RYR2: variants seen among roughly 807,000 people sequenced by gnomAD.
The protein encoded by RYR2 is cardiac muscle ryanodine receptor-calcium release channel.
In RYR2, 227 loss-of-function variants were observed where a neutral mutation model predicts 601.1. The ratio of observed to expected loss-of-function variants is 0.38; its 90% CI spans 0.34 to 0.42. The LOEUF (loss-of-function observed/expected upper bound fraction) is 0.42. RYR2 is among the 10% of genes least tolerant of loss of function. The probability of loss-of-function intolerance (pLI) is 1.00; values close to 1 mark genes in which losing one functional copy is unlikely to be tolerated. For missense variants in RYR2, 4,646 were observed against 6,156.5 expected, an observed-to-expected ratio of 0.75 and a Z score of 8.21; for synonymous variants, 2,223 against 2,175.1, an observed-to-expected ratio of 1.02 and a Z score of -0.61.
chr1:237,465,090 G>GCACACACACA (rs10610645), intron 16 of RYR2, among the ~76,000 whole-genome samples: 2 of 150,120 alleles, frequency 1.3e-5, no homozygotes, highest in African/African-American at 4.9e-5. Flanking sequence ...ACACACACAT[G>GCACACACACA]CACACACACA....
chr1:237,584,442 T>A (rs1674278986), intron 29 of RYR2, among the ~76,000 whole-genome samples: 1 of 152,186 alleles, frequency 6.6e-6, no homozygotes, highest in South Asian at 2.1e-4. Context: ...CTGTCTTTTG[T>A]ATTCAAAGTT....
intron 10 of RYR2, among the ~76,000 whole-genome samples, chr1:237,400,627 T>A (rs1286536889): frequency 6.6e-6 from 1 of 152,204 alleles, no homozygotes; most frequent in African/African-American, 2.4e-5. Context: ...TTAAAGATAA[T>A]TTTTAAATGT....
intron 80 of RYR2, among the ~76,000 whole-genome samples, chr1:237,742,988 A>G (rs1193427019): frequency 1.3e-5 from 2 of 152,160 alleles, no homozygotes; most frequent in African/African-American, 2.4e-5. Context: ...CTTTGCTTAT[A>G]CTGTACTTTC....
At chr1:237,473,724 C>T (rs78407790) in intron 17 of RYR2, among the ~76,000 whole-genome samples, 248 of 152,134 alleles carry the variant, frequency 1.6e-3, no homozygotes, top group African/African-American at 5.7e-3. Flanking sequence ...CTCAGTGCCC[C>T]CTGCCTGTGC....
chr1:237,603,802 A>G (rs1444980556), intron 35 of RYR2, among the ~76,000 whole-genome samples: 2 of 152,226 alleles, frequency 1.3e-5, no homozygotes, highest in Non-Finnish European at 1.5e-5. Context: ...CTTTAAACCA[A>G]CAAAGATCAA....
At chr1:237,057,995 G>C (rs992867371) in intron 1 of RYR2, among the ~76,000 whole-genome samples, 3 of 152,172 alleles carry the variant, frequency 2.0e-5, no homozygotes, top group Non-Finnish European at 4.4e-5. Flanking sequence ...TTGGTTCAAA[G>C]CTGGGCGTGT....
intron 12 of RYR2, among the ~76,000 whole-genome samples, chr1:237,427,774 C>G (rs1228101617): frequency 2.2e-5 from 2 of 91,156 alleles, no homozygotes; most frequent in Non-Finnish European, 3.8e-5. Flanking sequence ...CAGAGCAAGA[C>G]TCTGCCTCAA....
intron 58 of RYR2, among the ~76,000 whole-genome samples, chr1:237,671,771 G>C (rs969730297): frequency 2.6e-5 from 4 of 151,992 alleles, no homozygotes; most frequent in Non-Finnish European, 5.9e-5. Flanking sequence ...GGGAAAATCA[G>C]ATGCCATAAG....
rs1335211360 is a variant in RYR2, at chr1:237,147,608, T to G, written c.48+105039T>G. Among the ~76,000 whole-genome samples the G allele has an allele frequency of 2.6e-5, 4 of 152,226 alleles. No individual in the cohort carries two copies. In the South Asian group the frequency reaches 8.3e-4, roughly 32 times the overall value. On this transcript the variant is annotated intron_variant, in intron 1 of 104. Coordinates refer to ENST00000366574, the MANE Select transcript of RYR2 (RefSeq NM_001035.3). ...TTTTAAGTTTCATTATGAGTAACTT[T>G]TCACTAAGAGATGTCTGCCAACCTC...
chr1:237,097,934 T>C (rs1667660162), intron 1 of RYR2, among the ~76,000 whole-genome samples: 1 of 152,194 alleles, frequency 6.6e-6, no homozygotes, highest in Admixed American at 6.5e-5. Flanking sequence ...AGATTTGTAT[T>C]TTAGATAAAT....
In RYR2 at chr1:237,755,185, C is replaced by G; in HGVS notation, c.11146-1103C>G. The G allele has an allele frequency of 7.3e-6, 7 of 958,226 alleles. No individual in the cohort carries two copies. The South Asian group carries it at 1.1e-4, about 15-fold the overall frequency. 59.4% of individuals were successfully genotyped at this position (958,226 alleles called of 1,614,324 possible). A position where few individuals can be genotyped will look rare whatever the true frequency, so the allele number is the denominator to read the frequency against. ...GTTTCTTTTTTCATTTGTTTGAGCC[C>G]ATTTCTTTTCCCCCTCCTTTTAGTT... On this transcript the variant is annotated intron_variant, in intron 80 of 104. Transcript: ENST00000366574.
chr1:237,290,676 C>G (rs1692097087), intron 2 of RYR2, among the ~76,000 whole-genome samples: 3 of 152,062 alleles, frequency 2.0e-5, no homozygotes, highest in Admixed American at 2.0e-4. Context: ...ATAAAAACAG[C>G]ACTACCACCA....
chr1:237,044,127 C>T (rs1341655117), intron 1 of RYR2, among the ~76,000 whole-genome samples: 3 of 151,920 alleles, frequency 2.0e-5, no homozygotes, highest in African/African-American at 7.3e-5. Context: ...ACCTTGGTCA[C>T]GGTGTATAAA....
Position 237,648,587 on chromosome 1 carries a change from C to A in RYR2, c.7486C>A (p.Leu2496Ile), listed in dbSNP as rs1347861815. 6.2e-7 allele frequency: 1 copy of A among 1,609,960 alleles called. No individual in the cohort carries two copies. The highest frequency in any genetic ancestry group is 8.5e-7 in the Non-Finnish European group (1 of 1,177,950). ...TCTTGAGGTTGGCTTTCTGCCAGAT[C>A]TCCGGGCGGCTGCTTCTTTAGATAC... is the stretch of plus-strand genomic sequence containing the variant. The part of the protein sequence containing the change: ...HLLEVGFLPD[L>I]RAAASLDTAA... Residue 2496 changes from leucine to isoleucine, a missense_variant, in exon 49 of 105, where the codon CTC becomes ATC. Leu to Ile is a conservative substitution (Grantham distance 5). Transcript: ENST00000366574.
At chr1:237,277,607 A>T (rs1193461542) in intron 2 of RYR2, among the ~76,000 whole-genome samples, 1 of 152,110 alleles carries the variant, frequency 6.6e-6, no homozygotes, top group Non-Finnish European at 1.5e-5. Context: ...TCTCTACAAA[A>T]CTAAAAAATT....
At chr1:237,213,296 G>A (rs1264078417) in intron 1 of RYR2, among the ~76,000 whole-genome samples, 4 of 151,960 alleles carry the variant, frequency 2.6e-5, no homozygotes, top group Admixed American at 2.6e-4. Context: ...TCCTGCCTCA[G>A]CCTCCCAAGT....
At chr1:237,173,546 C>T (rs1350900819) in intron 1 of RYR2, among the ~76,000 whole-genome samples, 2 of 152,182 alleles carry the variant, frequency 1.3e-5, no homozygotes, top group Non-Finnish European at 2.9e-5. Context: ...CACACTCTGA[C>T]AATAAACTGA....
intron 10 of RYR2, among the ~76,000 whole-genome samples, chr1:237,395,798 G>A (rs1486602516): frequency 2.0e-5 from 3 of 151,876 alleles, no homozygotes; most frequent in African/African-American, 7.3e-5. Context: ...CGCCCTCCTC[G>A]ATGTCCCAAA....
Position 237,610,833 on chromosome 1 carries a change from C to T in RYR2, c.4755C>T (p.Arg1585=), listed in dbSNP as rs768562077. 12 of 1,612,770 alleles carry T rather than the reference C, an allele frequency of 7.4e-6. No individual in the cohort carries two copies. The highest frequency in any genetic ancestry group is 3.3e-5 in the South Asian group (3 of 90,758). Residue 1585 remains arginine, a synonymous_variant, in exon 36 of 105, where the codon CGC becomes CGT. Transcript: ENST00000366574. This position sits in a 1 kb window ranked among gnomAD's most constrained non-coding sequence, Gnocchi z 4.9. ...ACCCCGTGCCGCAGTGCCCCCCGCG[C>T]CTCCACGTGCAGTTCCTGTCACACG... ...HKNPVPQCPP[R]LHVQFLSHVL... is the part of the protein sequence containing the mutation.
Sources: allele counts gnomAD v4.1 joint callset (sites outside exome capture counted in the v4.1 genomes callset), GRCh38; gene constraint gnomAD v4.1.1; non-coding constraint Gnocchi (gnomAD v3.1); transcripts MANE v1.5; gene names NCBI Gene and HGNC (gene_info 2026-07-23, HGNC 2026-07-21).